ZC3H12B: variants seen among roughly 807,000 people sequenced by gnomAD.
ZC3H12B encodes zinc finger CCCH-type containing 12B.
In ZC3H12B, 7 loss-of-function variants were observed where a neutral mutation model predicts 43.9. The ratio of observed to expected loss-of-function variants is 0.16; its 90% CI spans 0.09 to 0.30. The LOEUF (loss-of-function observed/expected upper bound fraction) is 0.30, where lower values mean the gene tolerates loss of function less well. Among genes scored for constraint, ZC3H12B ranks in the 10% least tolerant of loss-of-function variants. The pLI, the probability that ZC3H12B is intolerant of heterozygous loss-of-function variation, is 1.00. For missense variants in ZC3H12B, 475 were observed against 670.2 expected (o/e 0.71, Z 3.22); for synonymous variants, 222 against 241.7 (o/e 0.92, Z 0.76).
At chrX:65,457,185 G>T (rs1195005758) in intron 3 of ZC3H12B, among the ~76,000 whole-genome samples, 1 of 77,860 alleles carries the variant, frequency 1.3e-5, no homozygotes, top group Non-Finnish European at 2.5e-5. Context: ...CGTCTGAGAA[G>T]TGAGGAAACC....
intron 2 of ZC3H12B, among the ~76,000 whole-genome samples, chrX:65,393,542 G>A (rs1228316885): frequency 9.0e-6 from 1 of 111,614 alleles, no homozygotes; most frequent in Non-Finnish European, 1.9e-5. Context: ...GAGTGAGAAC[G>A]TGCAGTGTTT....
chrX:65,448,881 T>C (rs927507039), intron 3 of ZC3H12B, among the ~76,000 whole-genome samples: 1 of 52,358 alleles, frequency 1.9e-5, no homozygotes, highest in Non-Finnish European at 3.6e-5. Context: ...GGGAGGGAAA[T>C]AAATAAAGAA....
At chrX:65,193,399 T>A in the ZC3H12B span, among the ~76,000 whole-genome samples, 1 of 111,945 alleles carries the variant, frequency 8.9e-6, no homozygotes, top group Non-Finnish European at 1.9e-5. Context: ...TATCCCTTGC[T>A]TCTAAATTTT....
upstream of ZC3H12B, among the ~76,000 whole-genome samples, chrX:65,362,368 A>C (rs769228110): frequency 1.8e-5 from 2 of 110,589 alleles, no homozygotes; most frequent in Non-Finnish European, 3.8e-5. Context: ...AGGCTTCTAA[A>C]CCTCTTAAAA....
the ZC3H12B span, among the ~76,000 whole-genome samples, chrX:65,093,684 G>A: frequency 7.8e-3 from 876 of 112,231 alleles, 5 homozygotes; most frequent in Non-Finnish European, 0.012. Context: ...TTGGAATAGG[G>A]ATATATTTAC....
chrX:65,308,412 G>A, the ZC3H12B span, among the ~76,000 whole-genome samples: 1 of 111,252 alleles, frequency 9.0e-6, no homozygotes. Context: ...TAATGGTAAA[G>A]GGATCAATTA....
the ZC3H12B span, among the ~76,000 whole-genome samples, chrX:65,330,157 G>A: frequency 1.8e-5 from 2 of 109,784 alleles, no homozygotes; most frequent in Admixed American, 9.7e-5. Context: ...CCATTTTCAT[G>A]ATATTGATTC....
chrX:65,071,208 C>G, the ZC3H12B span, among the ~76,000 whole-genome samples: 1 of 109,112 alleles, frequency 9.2e-6, no homozygotes, highest in Non-Finnish European at 1.9e-5. Flanking sequence ...TTATATAATG[C>G]CTTTCTTTGT....
chrX:65,473,795 T>C (rs763209426), intron 3 of ZC3H12B, among the ~76,000 whole-genome samples: 8 of 111,833 alleles, frequency 7.2e-5, no homozygotes, highest in Non-Finnish European at 1.1e-4. Flanking sequence ...ATATTGCAGT[T>C]ATTGCTTTCT....
At chrX:65,253,438 C>T in the ZC3H12B span, among the ~76,000 whole-genome samples, 1 of 112,361 alleles carries the variant, frequency 8.9e-6, no homozygotes, top group Middle Eastern at 4.6e-3. Flanking sequence ...TTGATAGGGG[C>T]AGAACTCCAG....
At chrX:65,414,896 A>T (rs1182218706) in intron 3 of ZC3H12B, among the ~76,000 whole-genome samples, 2 of 112,279 alleles carry the variant, frequency 1.8e-5, no homozygotes, top group African/African-American at 6.5e-5. Context: ...TCAAACTCGT[A>T]AAATGTTTGA....
chrX:65,224,939 G>T, the ZC3H12B span, among the ~76,000 whole-genome samples: 1 of 112,062 alleles, frequency 8.9e-6, no homozygotes, highest in South Asian at 3.7e-4. Flanking sequence ...CTCCAACTCT[G>T]GGGGAGGGCA....
chrX:65,178,434 G>T, the ZC3H12B span, among the ~76,000 whole-genome samples: 1 of 112,123 alleles, frequency 8.9e-6, no homozygotes, highest in African/African-American at 3.2e-5. Flanking sequence ...AAACTAAAGA[G>T]CTTCTGCACA....
At chrX:65,161,058 T>C in the ZC3H12B span, among the ~76,000 whole-genome samples, 1 of 111,281 alleles carries the variant, frequency 9.0e-6, no homozygotes. Flanking sequence ...AGTTTCCATG[T>C]AGTTGAGCAG....
the ZC3H12B span, among the ~76,000 whole-genome samples, chrX:65,352,535 C>T: frequency 2.7e-5 from 3 of 110,411 alleles, no homozygotes; most frequent in Non-Finnish European, 3.8e-5. Context: ...GGTTTCTTTT[C>T]GGGGGTGATA....
chrX:65,394,191 G>T (rs2066664899), intron 2 of ZC3H12B, among the ~76,000 whole-genome samples: 1 of 112,145 alleles, frequency 8.9e-6, no homozygotes, highest in East Asian at 2.8e-4. Flanking sequence ...CTGGGCAGAA[G>T]CTCTTTAATT....
chrX:65,154,295 C>T, the ZC3H12B span, among the ~76,000 whole-genome samples: 46 of 111,743 alleles, frequency 4.1e-4, 1 homozygote, highest in Non-Finnish European at 8.1e-4. Context: ...ACATCGTATA[C>T]ATCTTTTGTT....
At chrX:65,404,713 T>G (rs1232190214) in intron 3 of ZC3H12B, among the ~76,000 whole-genome samples, 4 of 111,546 alleles carry the variant, frequency 3.6e-5, no homozygotes, top group Non-Finnish European at 7.5e-5. Context: ...AAGGAAACAT[T>G]ATTAGAGCTA....
At chrX:65,229,947 C>G in the ZC3H12B span, among the ~76,000 whole-genome samples, 1 of 111,772 alleles carries the variant, frequency 8.9e-6, no homozygotes, top group Non-Finnish European at 1.9e-5. Context: ...GGACAGTAAA[C>G]TAGTTCAACC....
Sources: allele counts gnomAD v4.1 joint callset (sites outside exome capture counted in the v4.1 genomes callset), GRCh38; gene constraint gnomAD v4.1.1; transcripts MANE v1.5; gene names NCBI Gene and HGNC (gene_info 2026-07-23, HGNC 2026-07-21).